PRKCQ: variants seen among roughly 807,000 people sequenced by gnomAD.
PRKCQ encodes the protein protein kinase C theta.
Under a neutral mutation model 91.2 loss-of-function variants are expected in PRKCQ, and 41 were observed. The observed-to-expected ratio is 0.45, with a 90% confidence interval of 0.35 to 0.58. PRKCQ has a LOEUF of 0.58. Ranked by LOEUF, PRKCQ falls within the 20% of genes least tolerant of loss-of-function variation. PRKCQ has a pLI of 0.00. For synonymous variants in PRKCQ, 307 were observed against 316.9 expected (o/e 0.97, Z 0.33); for missense variants, 673 against 896.5 (o/e 0.75, Z 3.18).
At chr10:6,419,033 C>T in the PRKCQ span, among the ~76,000 whole-genome samples, 13,057 of 150,900 alleles carry the variant, frequency 0.087, 1,859 homozygotes, top group African/African-American at 0.3. Flanking sequence ...CATCTATCTA[C>T]CTATCATCCA....
intron 4 of PRKCQ, among the ~76,000 whole-genome samples, chr10:6,504,550 T>C (rs1025605928): frequency 1.2e-4 from 18 of 152,232 alleles, no homozygotes; most frequent in African/African-American, 3.6e-4. Context: ...ACTGTGGAAC[T>C]TACTGAAATG....
chr10:6,548,660 A>G (rs944346571), intron 1 of PRKCQ, among the ~76,000 whole-genome samples: 1 of 144,964 alleles, frequency 6.9e-6, no homozygotes, highest in Admixed American at 7.1e-5. Flanking sequence ...GCATGTTCTC[A>G]CTCATAGGTG....
At chr10:6,524,714 C>T (rs915279176) in intron 1 of PRKCQ, among the ~76,000 whole-genome samples, 1 of 152,152 alleles carries the variant, frequency 6.6e-6, no homozygotes, top group South Asian at 2.1e-4. Flanking sequence ...CAGGGTGCTG[C>T]CACCAGTACT....
chr10:6,509,260 T>C (rs1285426159), intron 3 of PRKCQ, among the ~76,000 whole-genome samples: 1 of 152,108 alleles, frequency 6.6e-6, no homozygotes, highest in East Asian at 1.9e-4. Context: ...CTTGAAGAGA[T>C]ACAAATAGAA....
chr10:6,453,863 T>C (rs1468676176), intron 15 of PRKCQ, among the ~76,000 whole-genome samples: 2 of 151,832 alleles, frequency 1.3e-5, no homozygotes, highest in South Asian at 2.1e-4. Context: ...TAGATGGGAA[T>C]TGAACAATGA....
At chr10:6,521,922 G>GTTATTTAT (rs71379861) in intron 1 of PRKCQ, among the ~76,000 whole-genome samples, 732 of 63,246 alleles carry the variant, frequency 0.012, 2 homozygotes, top group East Asian at 0.029. Flanking sequence ...GTTATGTTAT[G>GTTATTTAT]TTATTTATTT....
At chr10:6,460,960 C>T (rs117215070) in intron 14 of PRKCQ, among the ~76,000 whole-genome samples, 1,821 of 151,694 alleles carry the variant, frequency 0.012, 13 homozygotes, top group Non-Finnish European at 0.02. Flanking sequence ...ATCATCCATA[C>T]ATCATCCATC....
chr10:6,417,096 C>G, the PRKCQ span, among the ~76,000 whole-genome samples: 5 of 152,202 alleles, frequency 3.3e-5, no homozygotes, highest in Non-Finnish European at 7.3e-5. Flanking sequence ...CACCATATAA[C>G]CAATGTTATC....
At chr10:6,442,357 T>C (rs1366655864) in intron 15 of PRKCQ, among the ~76,000 whole-genome samples, 1 of 152,228 alleles carries the variant, frequency 6.6e-6, no homozygotes, top group Non-Finnish European at 1.5e-5. Flanking sequence ...CATTAGTTTT[T>C]ATTTTCCCAT....
chr10:6,433,316 T>A (rs1833511424), intron 16 of PRKCQ, among the ~76,000 whole-genome samples: 1 of 152,224 alleles, frequency 6.6e-6, no homozygotes, highest in Non-Finnish European at 1.5e-5. Flanking sequence ...CACTGGAGAA[T>A]TAGCACATTG....
intron 16 of PRKCQ, among the ~76,000 whole-genome samples, chr10:6,438,137 T>G (rs916814406): frequency 6.6e-6 from 1 of 152,244 alleles, no homozygotes; most frequent in Admixed American, 6.5e-5. Context: ...GTGGCTCAAA[T>G]TTTTAAACAT....
chr10:6,474,810 T>G (rs1215574557), intron 12 of PRKCQ, among the ~76,000 whole-genome samples: 1 of 152,214 alleles, frequency 6.6e-6, no homozygotes, highest in Non-Finnish European at 1.5e-5. Context: ...TCCTATTTTT[T>G]TACTTTTTAA....
the PRKCQ span, among the ~76,000 whole-genome samples, chr10:6,412,635 AG>A: frequency 2.0e-5 from 3 of 152,374 alleles, no homozygotes; most frequent in East Asian, 1.9e-4. Context: ...ATTTTAAGTC[AG>A]TGGGGGAAGG....
At chr10:6,426,722 T>C (rs1451270331), downstream of PRKCQ, among the ~76,000 whole-genome samples, 1 of 152,238 alleles carries the variant, frequency 6.6e-6, no homozygotes, top group Non-Finnish European at 1.5e-5. Context: ...TTAAATATAA[T>C]ATCTAAAGTT....
intron 1 of PRKCQ, among the ~76,000 whole-genome samples, chr10:6,577,295 G>T (rs1303151576): frequency 6.6e-6 from 1 of 152,144 alleles, no homozygotes; most frequent in Non-Finnish European, 1.5e-5. Flanking sequence ...TTAAAATAAT[G>T]AAAGATATTT....
At chr10:6,448,650 A>G (rs1046467496) in intron 15 of PRKCQ, among the ~76,000 whole-genome samples, 2 of 151,992 alleles carry the variant, frequency 1.3e-5, no homozygotes, top group South Asian at 2.1e-4. Context: ...CTCATGATCC[A>G]CCCGCCTCAG....
chr10:6,478,199 C>T (rs1038349194), intron 12 of PRKCQ, among the ~76,000 whole-genome samples: 3 of 152,164 alleles, frequency 2.0e-5, no homozygotes, highest in Non-Finnish European at 4.4e-5. Flanking sequence ...ATGCAGAGTA[C>T]AGTGCAGTAG....
At chr10:6,397,074 G>A in the PRKCQ span, among the ~76,000 whole-genome samples, 1 of 151,862 alleles carries the variant, frequency 6.6e-6, no homozygotes, top group Non-Finnish European at 1.5e-5. Flanking sequence ...ATTTGCACAT[G>A]TTCTTTAGAA....
At chr10:6,460,910 C>T (rs145470924) in intron 14 of PRKCQ, among the ~76,000 whole-genome samples, 6 of 150,590 alleles carry the variant, frequency 4.0e-5, no homozygotes, top group African/African-American at 9.7e-5. Context: ...TCCATCCATC[C>T]GTCCAACCAT....
Sources: gnomAD v4.1 joint callset for allele counts (sites outside exome capture counted in the v4.1 genomes callset) on GRCh38, gnomAD v4.1.1 for gene constraint, MANE v1.5 for transcripts, NCBI Gene and HGNC (gene_info 2026-07-23, HGNC 2026-07-21) for gene names.